Variants in WDR27 observed in about 807,000 individuals in gnomAD.
WDR27 encodes WD repeat domain 27, also known as WD repeat-containing protein 27.
In WDR27, 100 loss-of-function variants were observed where a neutral mutation model predicts 114.4. The ratio of observed to expected loss-of-function variants is 0.87; its 90% CI spans 0.74 to 1.03. The LOEUF is 1.03. Among genes scored for constraint, WDR27 ranks in the 50% least tolerant of loss-of-function variants. WDR27 has a pLI of 0.00. For missense variants in WDR27, 1,129 were observed against 1,092.9 expected (o/e 1.03, Z -0.47); for synonymous variants, 449 against 423.1 (o/e 1.06, Z -0.75).
intron 2 of WDR27, among the ~76,000 whole-genome samples, chr6:169,681,738 A>T (rs929817073): frequency 9.9e-5 from 15 of 152,220 alleles, no homozygotes; most frequent in African/African-American, 3.6e-4. Flanking sequence ...AAAGACCCAC[A>T]GGGAGACTTG....
In WDR27 at chr6:169,670,551, C is replaced by G. The variant is rs182161821; in HGVS notation, c.456+18G>C. On this transcript the variant is annotated intron_variant, in intron 4 of 25. Coordinates refer to ENST00000448612, the MANE Select transcript of WDR27 (RefSeq NM_182552.5). Reference sequence around the variant, plus strand: ...CAGCTAAACCCTTCCGTGAAATCCACGTGAATTTCAATCTTACCTCAATAT... The same window carrying G: ...CAGCTAAACCCTTCCGTGAAATCCAGGTGAATTTCAATCTTACCTCAATAT... The G allele has an allele frequency of 6.2e-7, 1 of 1,613,890 alleles. No homozygotes were observed. Among genetic ancestry groups the G allele is most frequent in the African/African-American group, 1.3e-5 (1 of 75,026 alleles).
At chr6:169,542,782 AAT>A (rs1329657881) in intron 25 of WDR27, among the ~76,000 whole-genome samples, 1 of 91,408 alleles carries the variant, frequency 1.1e-5, no homozygotes, top group Non-Finnish European at 3.0e-5. Flanking sequence ...CTAAATTTAT[AAT>A]ATATACACAA....
chr6:169,693,271 C>A (rs1350157427), intron 1 of WDR27, among the ~76,000 whole-genome samples: 2 of 152,022 alleles, frequency 1.3e-5, no homozygotes, highest in Non-Finnish European at 2.9e-5. Context: ...AAGATAAAGT[C>A]TTTTTAGACA....
the WDR27 span, among the ~76,000 whole-genome samples, chr6:169,450,729 G>A: frequency 6.6e-6 from 1 of 152,136 alleles, no homozygotes; most frequent in African/African-American, 2.4e-5. Context: ...TCACAGAGCA[G>A]GCACCCTTTT....
intron 25 of WDR27, among the ~76,000 whole-genome samples, chr6:169,519,487 C>G (rs955529006): frequency 2.6e-5 from 4 of 152,094 alleles, no homozygotes; most frequent in African/African-American, 9.7e-5. Flanking sequence ...GGAGCTGGCA[C>G]ATTATGTGGC....
chr6:169,649,863 G>A (rs924102102), intron 14 of WDR27, among the ~76,000 whole-genome samples: 5 of 122,958 alleles, frequency 4.1e-5, no homozygotes, highest in African/African-American at 1.6e-4. Context: ...CCCATCAATT[G>A]AGCCACTCAT....
rs186479351 is a variant in WDR27 at position 169,610,637 on chromosome 6, C to T, written c.2321+2922G>A. ...TCAAGATGAGATTTGGGTGGGGACA[C>T]AGCCAAACCATATCAACTAATGAGT... On this transcript the variant is annotated intron_variant, in intron 22 of 25. Coordinates refer to ENST00000448612, the MANE Select transcript of WDR27 (RefSeq NM_182552.5). 6.6e-5 allele frequency among the ~76,000 whole-genome samples: 10 copies of T among 152,232 alleles called. No homozygotes were observed. The East Asian group carries it at 1.9e-3, about 29-fold the overall frequency.
intron 13 of WDR27, 135 bp downstream of exon 13, chr6:169,658,141 T>C (rs1468023121): frequency 2.8e-6 from 2 of 718,898 alleles, no homozygotes; most frequent in East Asian, 2.9e-5. Context: ...GGCAGAGACA[T>C]GAAGGACAGA....
intron 25 of WDR27, among the ~76,000 whole-genome samples, chr6:169,472,147 T>C (rs1786498215): frequency 6.6e-6 from 1 of 152,170 alleles, no homozygotes; most frequent in Admixed American, 6.5e-5. Flanking sequence ...TTGACATTGA[T>C]AGATGTTTGC....
chr6:169,521,173 G>A (rs112107040), intron 25 of WDR27, among the ~76,000 whole-genome samples: 6,605 of 151,970 alleles, frequency 0.043, 391 homozygotes, highest in African/African-American at 0.14. Flanking sequence ...AAGGAGATCC[G>A]ATTCATCTGG....
intron 25 of WDR27, among the ~76,000 whole-genome samples, chr6:169,460,209 T>C (rs1359101051): frequency 1.3e-5 from 2 of 152,326 alleles, no homozygotes; most frequent in East Asian, 3.9e-4. Context: ...TCTAAATAAT[T>C]GAAGACACTA....
At position 169,495,409 on chromosome 6, in the gene WDR27, TA is replaced by T. The variant is rs1425739378; in HGVS notation, c.2646-37776del. Among the ~76,000 whole-genome samples, 74 of 151,674 alleles carry T rather than the reference TA, an allele frequency of 4.9e-4. 1 individual carries two copies. The highest frequency in any genetic ancestry group is 5.9e-5 in the Non-Finnish European group (4 of 67,834). ...AGGAACTAAAAAACTAAAAGTAAAC[TA>T]AATCCAGGGCTAGCAGAGGAATGAA... On this transcript the variant is annotated intron_variant, in intron 25 of 25. Coordinates refer to ENST00000448612, the MANE Select transcript of WDR27 (RefSeq NM_182552.5).
chr6:169,686,178 CAAGA>C (rs1403171993), intron 2 of WDR27, among the ~76,000 whole-genome samples: 1 of 152,096 alleles, frequency 6.6e-6, no homozygotes, highest in Non-Finnish European at 1.5e-5. Context: ...ACTGGTCTTA[CAAGA>C]AATGCTCAAG....
intron 1 of WDR27, among the ~76,000 whole-genome samples, chr6:169,691,442 C>T (rs1358043171): frequency 6.6e-6 from 1 of 152,060 alleles, no homozygotes; most frequent in Admixed American, 6.5e-5. Flanking sequence ...ACTCAGTAGA[C>T]TCTGTAACTT....
chr6:169,689,098 T>C (rs1385825488), intron 1 of WDR27, 86 bp from the exon 2 acceptor site: 1 of 882,834 alleles, frequency 1.1e-6, no homozygotes, highest in Non-Finnish European at 1.7e-6. Context: ...TAGTTACTAG[T>C]TTGACCACAC....
At chr6:169,545,203 AAGAC>A (rs999216585) in intron 25 of WDR27, among the ~76,000 whole-genome samples, 1 of 151,930 alleles carries the variant, frequency 6.6e-6, no homozygotes, top group Non-Finnish European at 1.5e-5. Context: ...TGAAGAGACA[AAGAC>A]AGAGCAATGA....
intron 25 of WDR27, among the ~76,000 whole-genome samples, chr6:169,524,099 C>T (rs1583965844): frequency 6.6e-6 from 1 of 152,022 alleles, no homozygotes; most frequent in East Asian, 1.9e-4. Context: ...GCAGGATACA[C>T]AATCAACTTT....
chr6:169,608,163 A>G (rs533639058), intron 22 of WDR27, among the ~76,000 whole-genome samples: 1 of 152,350 alleles, frequency 6.6e-6, no homozygotes, highest in East Asian at 1.9e-4. Context: ...CATGGAACTA[A>G]AAGTAGATTT....
At chr6:169,643,053 G>C (rs1402816862) in intron 17 of WDR27, among the ~76,000 whole-genome samples, 3 of 152,174 alleles carry the variant, frequency 2.0e-5, no homozygotes, top group Non-Finnish European at 4.4e-5. Context: ...TTGGATTTCA[G>C]AATTTTGGAT....
Sources: gnomAD v4.1 joint callset for allele counts (sites outside exome capture counted in the v4.1 genomes callset) on GRCh38, gnomAD v4.1.1 for gene constraint, MANE v1.5 for transcripts, NCBI Gene and HGNC (gene_info 2026-07-23, HGNC 2026-07-21) for gene names.